Variants in ZNF407 observed in about 807,000 individuals in gnomAD.
ZNF407 encodes the protein zinc finger protein 407.
A neutral mutation model predicts 131.2 loss-of-function variants in ZNF407; 17 were observed. That is an observed-to-expected ratio of 0.13 (90% CI 0.09 to 0.19). The LOEUF (loss-of-function observed/expected upper bound fraction) is 0.19, where lower values mean the gene tolerates loss of function less well. Ranked by LOEUF, ZNF407 falls within the 10% of genes least tolerant of loss-of-function variation. The probability of loss-of-function intolerance (pLI) is 1.00; values close to 1 mark genes in which losing one functional copy is unlikely to be tolerated. For synonymous variants in ZNF407, 1,156 were observed against 1,062.0 expected, an observed-to-expected ratio of 1.09 and a Z score of -1.72; for missense variants, 2,681 against 2,830.6, an observed-to-expected ratio of 0.95 and a Z score of 1.20.
In ZNF407 at chr18:74,962,949, A is replaced by G. The variant is rs78265129; in HGVS notation, c.5428+42257A>G. The stretch of plus-strand genomic sequence containing the variant: ...GCTGGAAATCTTATTCACCTGAACA[A>G]TAGATGCCTATCATTCTTGTATACA... On this transcript the variant is annotated intron_variant, in intron 8 of 8. Coordinates refer to ENST00000299687, the MANE Select transcript of ZNF407 (RefSeq NM_017757.3). Among the ~76,000 whole-genome samples the G allele has an allele frequency of 3.3e-3, 501 of 152,346 alleles. 4 individuals carry two copies. The highest frequency in any genetic ancestry group is 0.012 in the African/African-American group (492 of 41,566).
intron 4 of ZNF407, among the ~76,000 whole-genome samples, chr18:74,857,747 C>T (rs1970878851): frequency 6.6e-6 from 1 of 151,946 alleles, no homozygotes; most frequent in Admixed American, 6.5e-5. Context: ...GTACTGAGTA[C>T]TTGAATCCTT....
At chr18:74,956,094 T>C (rs1012711228) in intron 8 of ZNF407, among the ~76,000 whole-genome samples, 1 of 152,232 alleles carries the variant, frequency 6.6e-6, no homozygotes, top group African/African-American at 2.4e-5. Flanking sequence ...TTACTTCATC[T>C]TGAAAAGTTG....
intron 8 of ZNF407, among the ~76,000 whole-genome samples, chr18:75,030,524 T>C (rs564047062): frequency 6.6e-6 from 1 of 152,290 alleles, no homozygotes; most frequent in East Asian, 1.9e-4. Context: ...GCTGATAAAG[T>C]ATTGAAAAAG....
At chr18:74,858,932 A>G (rs1230557561) in intron 4 of ZNF407, among the ~76,000 whole-genome samples, 1 of 151,972 alleles carries the variant, frequency 6.6e-6, no homozygotes, top group East Asian at 1.9e-4. Flanking sequence ...CTTTTTTAAA[A>G]AATTTCCTTA....
chr18:74,909,551 G>GT (rs923481848), intron 7 of ZNF407, among the ~76,000 whole-genome samples: 37 of 151,766 alleles, frequency 2.4e-4, no homozygotes, highest in African/African-American at 6.5e-4. Flanking sequence ...TTAGATTGTG[G>GT]TTTTTTTTGT....
chr18:74,902,914 C>T (rs553526015), intron 7 of ZNF407, among the ~76,000 whole-genome samples: 1 of 152,302 alleles, frequency 6.6e-6, no homozygotes, highest in African/African-American at 2.4e-5. Context: ...GCACCTTCCC[C>T]CTCTACCTCT....
At chr18:74,934,634 C>T (rs974171772) in intron 8 of ZNF407, among the ~76,000 whole-genome samples, 3 of 152,116 alleles carry the variant, frequency 2.0e-5, no homozygotes, top group Non-Finnish European at 2.9e-5. Context: ...GGCAAAACCC[C>T]GTCTCTACTA....
chr18:74,622,812 A>G (rs1460896835), intron 1 of ZNF407, among the ~76,000 whole-genome samples: 1 of 141,076 alleles, frequency 7.1e-6, no homozygotes, highest in Non-Finnish European at 1.5e-5. Context: ...ATTTGTGAAT[A>G]TGTCTGAATG....
intron 1 of ZNF407, among the ~76,000 whole-genome samples, chr18:74,617,852 AAC>A (rs1983381384): frequency 0.026 from 3,925 of 152,160 alleles, 142 homozygotes; most frequent in African/African-American, 0.084. Flanking sequence ...GCAAATCTAA[AAC>A]GCCCCCCCTA....
At position 75,064,916 on chromosome 18, in the gene ZNF407, T is replaced by C. The variant is rs1223971364; in HGVS notation, c.*448T>C. The C allele has an allele frequency of 5.1e-5, 8 of 156,128 alleles. No individual in the cohort carries two copies. Among genetic ancestry groups the C allele is most frequent in the Non-Finnish European group, 1.1e-4 (8 of 70,870 alleles). 9.7% of individuals were successfully genotyped at this position (156,128 alleles called of 1,614,324 possible). Reference sequence around the variant, plus strand: ...GGTGCACCTGCTTGTGCAGTCAGCATGTAGCTGCCTTTCCATTTCATTCTC... The same window carrying C: ...GGTGCACCTGCTTGTGCAGTCAGCACGTAGCTGCCTTTCCATTTCATTCTC... On this transcript the variant is annotated 3_prime_UTR_variant, in exon 9 of 9. Transcript: ENST00000299687.
At chr18:74,702,967 A>T (rs1967535121) in intron 3 of ZNF407, among the ~76,000 whole-genome samples, 2 of 152,348 alleles carry the variant, frequency 1.3e-5, no homozygotes, top group Admixed American at 1.3e-4. Context: ...ACATGGGCAG[A>T]AACCCATGTC....
At chr18:74,956,671 A>G (rs1972279029) in intron 8 of ZNF407, among the ~76,000 whole-genome samples, 1 of 152,056 alleles carries the variant, frequency 6.6e-6, no homozygotes, top group South Asian at 2.1e-4. Flanking sequence ...GGTTGGTTTC[A>G]TGGAGGAGAG....
chr18:75,060,584 C>T (rs1191244546), intron 8 of ZNF407, among the ~76,000 whole-genome samples: 1 of 145,732 alleles, frequency 6.9e-6, no homozygotes, highest in South Asian at 2.1e-4. Flanking sequence ...CGGCTCACTG[C>T]GAGCTCCGCC....
At chr18:74,605,122 G>T (rs747618967) in intron 1 of ZNF407, among the ~76,000 whole-genome samples, 4 of 152,194 alleles carry the variant, frequency 2.6e-5, no homozygotes, top group Non-Finnish European at 4.4e-5. Context: ...GAAATGGAGT[G>T]CATTCTCTTG....
chr18:74,816,926 G>T (rs539948158), intron 4 of ZNF407, among the ~76,000 whole-genome samples: 5 of 151,984 alleles, frequency 3.3e-5, no homozygotes, highest in Middle Eastern at 3.4e-3. Flanking sequence ...AATTGCTAAG[G>T]ATCTCATTGA....
intron 8 of ZNF407, among the ~76,000 whole-genome samples, chr18:75,059,634 G>T (rs1445541587): frequency 2.0e-5 from 3 of 152,144 alleles, no homozygotes; most frequent in Non-Finnish European, 4.4e-5. Context: ...GTCAAATACA[G>T]GAGACAAAGA....
At chr18:74,687,730 T>C (rs967690871) in intron 3 of ZNF407, among the ~76,000 whole-genome samples, 9 of 152,310 alleles carry the variant, frequency 5.9e-5, no homozygotes, top group African/African-American at 2.2e-4. Flanking sequence ...TAACTTGCAC[T>C]CATTTATTAC....
chr18:74,794,110 C>T (rs1969875336), intron 4 of ZNF407, among the ~76,000 whole-genome samples: 1 of 152,152 alleles, frequency 6.6e-6, no homozygotes, highest in South Asian at 2.1e-4. Flanking sequence ...TGGTTTGTCA[C>T]TGAGCTCTGC....
At chr18:75,054,902 A>G (rs1009190803) in intron 8 of ZNF407, among the ~76,000 whole-genome samples, 1 of 152,240 alleles carries the variant, frequency 6.6e-6, no homozygotes, top group Non-Finnish European at 1.5e-5. Context: ...CCCCCATACA[A>G]AGCCTGAAGG....
Sources: allele counts gnomAD v4.1 joint callset (sites outside exome capture counted in the v4.1 genomes callset), GRCh38; gene constraint gnomAD v4.1.1; transcripts MANE v1.5; gene names NCBI Gene and HGNC (gene_info 2026-07-23, HGNC 2026-07-21).